PTPRJ: variants seen among roughly 807,000 people sequenced by gnomAD.
The protein encoded by PTPRJ is receptor-type tyrosine-protein phosphatase eta.
A neutral mutation model predicts 141.3 loss-of-function variants in PTPRJ; 129 were observed. The ratio of observed to expected loss-of-function variants is 0.91; its 90% CI spans 0.79 to 1.06. PTPRJ has a LOEUF of 1.06. Ranked by LOEUF, PTPRJ falls within the 50% of genes least tolerant of loss-of-function variation. PTPRJ has a pLI of 0.00. For synonymous variants in PTPRJ, 610 were observed against 640.5 expected (o/e 0.95, Z 0.72); for missense variants, 1,601 against 1,679.7 (o/e 0.95, Z 0.82).
At chr11:48,130,425 A>AT in intron 7 of PTPRJ, 34 bp from the exon 8 acceptor site, 1 of 1,580,002 alleles carries the variant, frequency 6.3e-7, no homozygotes, top group Non-Finnish European at 8.6e-7. Flanking sequence ...GGAGAAGTAT[A>AT]TTTTTAATCT....
intron 3 of PTPRJ, among the ~76,000 whole-genome samples, chr11:48,117,489 C>T (rs953419571): frequency 8.2e-6 from 1 of 121,576 alleles, no homozygotes; most frequent in Non-Finnish European, 1.6e-5. Context: ...TGCAGTGAGC[C>T]GAGATCGCAC....
At position 48,136,194 on chromosome 11, in the gene PTPRJ, A is replaced by T; in HGVS notation, c.1771A>T (p.Ile591Phe). The T allele has an allele frequency of 6.2e-7, 1 of 1,614,144 alleles. No individual in the cohort carries two copies. Among genetic ancestry groups the T allele is most frequent in the Non-Finnish European group, 8.5e-7 (1 of 1,180,024 alleles). Residue 591 changes from isoleucine (I) to phenylalanine (F), a missense_variant, in exon 9 of 25, where the codon ATT becomes TTT. By Grantham distance (21) the Ile-to-Phe change is conservative. Transcript: ENST00000418331. ...SNHTSTYDKA[I>F]TLQGLIPGTL... ...CCACACAAGCACGTATGACAAAGCG[A>T]TTACTCTCCAGGGCCTGATTCCGGG...
At position 48,139,659 on chromosome 11, in the gene PTPRJ, T is replaced by C. The variant is rs367787040; in HGVS notation, c.2326T>C (p.Tyr776His). The C allele has an allele frequency of 1.8e-5, 29 of 1,614,008 alleles. No individual in the cohort carries two copies. Among genetic ancestry groups the C allele is most frequent in the Non-Finnish European group, 2.2e-5 (26 of 1,180,038 alleles). Residue 776 changes from tyrosine to histidine, a missense_variant, in exon 11 of 25, where the codon TAT becomes CAT. Physicochemically the swap from Tyr to His is moderately conservative, Grantham distance 83. Transcript: ENST00000418331. The part of the protein sequence containing the change: ...ESCSSENGTE[Y>H]RTEVTYLNFS... Reference sequence around the variant, plus strand: ...CTGCTCCTCTGAGAATGGCACTGAGTATAGAACGGAAGTCACGTATTTGAA... The same window carrying C: ...CTGCTCCTCTGAGAATGGCACTGAGCATAGAACGGAAGTCACGTATTTGAA...
chr11:48,059,247 C>T (rs1048218711), intron 1 of PTPRJ, among the ~76,000 whole-genome samples: 27 of 151,706 alleles, frequency 1.8e-4, no homozygotes, highest in Admixed American at 1.1e-3. Context: ...CTCAGCCTCC[C>T]GAGTAGCTAG....
At chr11:48,038,799 T>A in intron 1 of PTPRJ, among the ~76,000 whole-genome samples, 1 of 150,346 alleles carries the variant, frequency 6.7e-6, no homozygotes, top group Non-Finnish European at 1.5e-5. Context: ...GGAGTAGCCA[T>A]TCTTTATCCC....
At chr11:48,154,906 G>GT (rs1857565295) in intron 19 of PTPRJ, among the ~76,000 whole-genome samples, 1 of 152,120 alleles carries the variant, frequency 6.6e-6, no homozygotes, top group South Asian at 2.1e-4. Flanking sequence ...TGGGAAGTGG[G>GT]TGTTTGGGTA....
At position 48,153,913 on chromosome 11, in the gene PTPRJ, C is replaced by G. The variant is rs370996608; in HGVS notation, c.3229+27C>G. Reference sequence around the variant, plus strand: ...TAAGTTATTTTATCTACAGCATCTTCTCTGTGTTCCATCAGTGGCCATCAC... The same window carrying G: ...TAAGTTATTTTATCTACAGCATCTTGTCTGTGTTCCATCAGTGGCCATCAC... On this transcript the variant is annotated intron_variant, in intron 19 of 24. Transcript: ENST00000418331. The G allele has an allele frequency of 4.9e-5, 73 of 1,493,136 alleles. 1 individual carries two copies. The highest frequency in any genetic ancestry group is 6.7e-5 in the Non-Finnish European group (72 of 1,070,348). 92.5% of individuals were successfully genotyped at this position (1,493,136 alleles called of 1,614,324 possible). A position where few individuals can be genotyped will look rare whatever the true frequency, so the allele number is the denominator to read the frequency against.
intron 1 of PTPRJ, among the ~76,000 whole-genome samples, chr11:48,028,968 G>T (rs1363242523): frequency 1.3e-5 from 2 of 152,246 alleles, no homozygotes; most frequent in Admixed American, 6.5e-5. Flanking sequence ...TGAATCTGAA[G>T]TAAATTGTCA....
rs1023120431 is a variant in PTPRJ at position 48,168,445 on chromosome 11, C to T, written c.*1083C>T. 11 of 147,400 alleles carry T rather than the reference C, an allele frequency of 7.5e-5. No homozygotes were observed. The highest frequency in any genetic ancestry group is 2.1e-4 in the South Asian group (1 of 4,668). 9.1% of individuals were successfully genotyped at this position (147,400 alleles called of 1,614,324 possible). A position where few individuals can be genotyped will look rare whatever the true frequency, so the allele number is the denominator to read the frequency against. ...GCGTGGCAATCTGTGAACACTTCAG[C>T]GTGAATTCAGTGTCAGATTAATCCC... On this transcript the variant is annotated 3_prime_UTR_variant, in exon 25 of 25. Coordinates refer to ENST00000418331, the MANE Select transcript of PTPRJ (RefSeq NM_002843.4).
At chr11:48,113,965 A>G (rs1227742262) in intron 3 of PTPRJ, among the ~76,000 whole-genome samples, 2 of 152,206 alleles carry the variant, frequency 1.3e-5, no homozygotes, top group Non-Finnish European at 2.9e-5. Context: ...CTTGTCTAAA[A>G]GCATTGTAAA....
chr11:48,047,481 A>T (rs1253416556), intron 1 of PTPRJ, among the ~76,000 whole-genome samples: 2 of 148,922 alleles, frequency 1.3e-5, no homozygotes, highest in Non-Finnish European at 3.0e-5. Context: ...ATTTGTTGTC[A>T]ACATTAACCT....
At chr11:48,033,621 G>A (rs1854045910) in intron 1 of PTPRJ, among the ~76,000 whole-genome samples, 1 of 152,200 alleles carries the variant, frequency 6.6e-6, no homozygotes, top group Non-Finnish European at 1.5e-5. Flanking sequence ...GATTAACTGT[G>A]TGGGTGTGGA....
chr11:48,071,760 C>T (rs117721318), intron 1 of PTPRJ, among the ~76,000 whole-genome samples: 7 of 149,898 alleles, frequency 4.7e-5, no homozygotes, highest in Admixed American at 3.3e-4. Context: ...AGATGCATCA[C>T]GCCCAGCTAA....
At position 48,163,603 on chromosome 11, in the gene PTPRJ, T is replaced by C. The variant is rs11039554; in HGVS notation, c.3704T>C (p.Ile1235Thr). ...AAGCAGAGTCCTCCCGAATCGCCGA[T>C]TCTGGTGCATTGCAGGTACGCAGAT... The part of the protein sequence containing the change: ...YMKQSPPESP[I>T]LVHCSAGVGR... The change falls in exon 23 of 25, where the codon ATT becomes ACT. Residue 1235 changes from isoleucine to threonine, a missense_variant. Transcript: ENST00000418331. 3.1e-3 allele frequency: 5,048 copies of C among 1,613,610 alleles called. 145 individuals are homozygous for C. The African/African-American group carries it at 0.059, about 19-fold the overall frequency.
At chr11:48,114,777 A>G (rs1264912381) in intron 3 of PTPRJ, among the ~76,000 whole-genome samples, 3 of 152,364 alleles carry the variant, frequency 2.0e-5, no homozygotes, top group South Asian at 2.1e-4. Context: ...TACATGTTTT[A>G]AGGAAGCCTA....
intron 1 of PTPRJ, among the ~76,000 whole-genome samples, chr11:47,982,817 C>T (rs7946766): frequency 0.17 from 25,632 of 151,880 alleles, 2,419 homozygotes; most frequent in African/African-American, 0.24. Context: ...AGCATATTGC[C>T]ACTCTACACT....
intron 1 of PTPRJ, among the ~76,000 whole-genome samples, chr11:48,038,992 A>C (rs986233827): frequency 1.3e-5 from 2 of 151,668 alleles, no homozygotes; most frequent in African/African-American, 4.8e-5. Context: ...TCTACTAAAA[A>C]TACAAAAATT....
intron 1 of PTPRJ, among the ~76,000 whole-genome samples, chr11:48,033,022 G>A (rs946891551): frequency 4.0e-5 from 6 of 151,836 alleles, no homozygotes; most frequent in African/African-American, 1.2e-4. Flanking sequence ...GTTCAAGATC[G>A]GCTTGGGCAA....
At position 48,110,051 on chromosome 11, in the gene PTPRJ, GT is replaced by G; in HGVS notation, c.97-4del. ...CTGCTGACTTCCGTTTTCTTTTTCT[GT>G]TTCAGATCCTGTGCGCAGGTGGCAG... On this transcript the variant is annotated splice_polypyrimidine_tract_variant and splice_region_variant and intron_variant, in intron 1 of 24. Transcript: ENST00000418331. The G allele has an allele frequency of 1.2e-6, 2 of 1,613,572 alleles. No homozygotes were observed. The highest frequency in any genetic ancestry group is 1.7e-6 in the Non-Finnish European group (2 of 1,179,760).
Sources: gnomAD v4.1 joint callset for allele counts (sites outside exome capture counted in the v4.1 genomes callset) on GRCh38, gnomAD v4.1.1 for gene constraint, MANE v1.5 for transcripts, NCBI Gene and HGNC (gene_info 2026-07-23, HGNC 2026-07-21) for gene names.